The following CDH12 variants were observed in gnomAD, a reference collection of about 807,000 sequenced individuals.
CDH12 encodes cadherin 12, also known as cadherin-12.
In CDH12, 41 loss-of-function variants were observed where a neutral mutation model predicts 74.1. The observed-to-expected ratio is 0.55, with a 90% CI of 0.43 to 0.72. CDH12 has a LOEUF of 0.72. Ranked by LOEUF, CDH12 falls within the 30% of genes least tolerant of loss-of-function variation. CDH12 has a pLI of 0.00. For synonymous variants in CDH12, 399 were observed against 355.0 expected, an observed-to-expected ratio of 1.12 and a Z score of -1.39; for missense variants, 945 against 977.2, an observed-to-expected ratio of 0.97 and a Z score of 0.44.
In CDH12 at chr5:21,751,632, T is replaced by TTGTGTGTGTGTGTGTGTG. The variant is rs70957059; in HGVS notation, c.*87_*104dup. On this transcript the variant is annotated 3_prime_UTR_variant, in exon 15 of 15. Coordinates refer to ENST00000382254, the MANE Select transcript of CDH12 (RefSeq NM_004061.5). ...AGAGTGTGTGTGTGTGTGTGTGTGT[T>TTGTGTGTGTGTGTGTGTG]TGTGTGTGTGTGTGTGTGTGAGAGA... is the stretch of plus-strand genomic sequence containing the variant. 294 of 572,968 alleles carry TTGTGTGTGTGTGTGTGTG rather than the reference T, an allele frequency of 5.1e-4. 1 individual carries two copies. The African/African-American group carries it at 5.4e-3, about 11-fold the overall frequency. 35.5% of individuals were successfully genotyped at this position (572,968 alleles called of 1,614,324 possible).
chr5:21,955,524 C>T (rs1756057071), intron 6 of CDH12, among the ~76,000 whole-genome samples: 1 of 151,848 alleles, frequency 6.6e-6, no homozygotes. Context: ...AGTGATCAAA[C>T]CAAATTTGAA....
At chr5:22,522,804 T>C (rs1361041158) in intron 1 of CDH12, among the ~76,000 whole-genome samples, 1 of 152,228 alleles carries the variant, frequency 6.6e-6, no homozygotes, top group African/African-American at 2.4e-5. Flanking sequence ...TTTTGTGTTC[T>C]GTCATTCTGC....
intron 3 of CDH12, among the ~76,000 whole-genome samples, chr5:22,346,105 C>CAA (rs5866560): frequency 0.014 from 1,390 of 101,500 alleles, 20 homozygotes; most frequent in African/African-American, 0.044. Context: ...GACTTCATCT[C>CAA]AAAAAAAAAA....
At chr5:21,929,563 G>A (rs549398278) in intron 6 of CDH12, among the ~76,000 whole-genome samples, 1 of 152,062 alleles carries the variant, frequency 6.6e-6, no homozygotes, top group East Asian at 1.9e-4. Context: ...TGTCACCCTG[G>A]TTGGAATCAG....
chr5:21,950,755 A>ATTTTT (rs1263550742), intron 6 of CDH12, among the ~76,000 whole-genome samples: 5 of 119,366 alleles, frequency 4.2e-5, no homozygotes, highest in Admixed American at 9.6e-5. Flanking sequence ...CATAAATTTT[A>ATTTTT]TTTTATTATT....
intron 3 of CDH12, among the ~76,000 whole-genome samples, chr5:22,300,164 G>A (rs1257190115): frequency 6.6e-6 from 1 of 152,158 alleles, no homozygotes; most frequent in African/African-American, 2.4e-5. Context: ...TTGTCTAAAA[G>A]GCACATCTAT....
chr5:22,364,949 A>T (rs528844236), intron 3 of CDH12, among the ~76,000 whole-genome samples: 9 of 152,328 alleles, frequency 5.9e-5, no homozygotes, highest in Non-Finnish European at 1.2e-4. Flanking sequence ...AAAGACAGCA[A>T]CAATAGAAGA....
chr5:22,769,769 A>G (rs1018811090), intron 1 of CDH12, among the ~76,000 whole-genome samples: 21 of 151,286 alleles, frequency 1.4e-4, no homozygotes, highest in African/African-American at 5.1e-4. Flanking sequence ...GGTAACCAAA[A>G]CAATACAAAT....
intron 6 of CDH12, among the ~76,000 whole-genome samples, chr5:21,907,807 A>C (rs1459193276): frequency 6.6e-6 from 1 of 152,216 alleles, no homozygotes; most frequent in African/African-American, 2.4e-5. Flanking sequence ...TTATCTGCCC[A>C]GACTTGGTCT....
chr5:22,004,805 T>C (rs758918343), intron 5 of CDH12, among the ~76,000 whole-genome samples: 2 of 152,074 alleles, frequency 1.3e-5, no homozygotes, highest in Non-Finnish European at 2.9e-5. Context: ...CTCCCTCCTA[T>C]CCTCCCCACT....
intron 3 of CDH12, among the ~76,000 whole-genome samples, chr5:22,244,748 GAAAGAAAGAAAGA>G: frequency 2.5e-5 from 1 of 40,442 alleles, no homozygotes; most frequent in East Asian, 5.8e-4. Flanking sequence ...AGAAAAGAAA[GAAAGAAAGAAAGA>G]AAGAAAGAAA....
chr5:22,285,910 C>T (rs915969714), intron 3 of CDH12, among the ~76,000 whole-genome samples: 7 of 151,988 alleles, frequency 4.6e-5, no homozygotes, highest in African/African-American at 1.7e-4. Context: ...ATGGAAATGG[C>T]ATTCATTTAC....
At chr5:22,785,218 T>C (rs207465717) in intron 1 of CDH12, among the ~76,000 whole-genome samples, 2 of 152,166 alleles carry the variant, frequency 1.3e-5, no homozygotes, top group Non-Finnish European at 2.9e-5. Context: ...GATGACTTCT[T>C]ACTTTGTGAA....
rs768663438 is a variant in CDH12 at position 21,810,950 on chromosome 5, GAA to G, written c.1002+5993_1002+5994del. ...AACTCATTTGTCAAGCGTGAAAAAAGAAAAAGAGTTTTACTGATTTACGGGTA... is the reference window on the plus strand; with the variant it reads ...AACTCATTTGTCAAGCGTGAAAAAAGAAAGAGTTTTACTGATTTACGGGTA... On this transcript the variant is annotated intron_variant, in intron 9 of 14. Transcript: ENST00000382254. Among the ~76,000 whole-genome samples the G allele has an allele frequency of 7.6e-4, 115 of 152,062 alleles. 1 individual carries two copies. Among genetic ancestry groups the G allele is most frequent in the Non-Finnish European group, 1.4e-3 (98 of 67,942 alleles).
At chr5:22,662,723 T>C (rs1346666899) in intron 1 of CDH12, among the ~76,000 whole-genome samples, 3 of 152,248 alleles carry the variant, frequency 2.0e-5, no homozygotes, top group Non-Finnish European at 4.4e-5. Flanking sequence ...TTGCATTCCC[T>C]AAAGATGTAG....
chr5:22,517,113 G>T (rs910048986), intron 1 of CDH12, among the ~76,000 whole-genome samples: 1 of 151,842 alleles, frequency 6.6e-6, no homozygotes, highest in South Asian at 2.1e-4. Context: ...CAGACCATTA[G>T]ATCTAAACAC....
chr5:22,161,524 C>T (rs892838080), intron 4 of CDH12, among the ~76,000 whole-genome samples: 1 of 151,968 alleles, frequency 6.6e-6, no homozygotes, highest in African/African-American at 2.4e-5. Context: ...TAGCAAGACC[C>T]TGTCTGTATC....
intron 8 of CDH12, among the ~76,000 whole-genome samples, chr5:21,817,771 AT>A (rs1407247997): frequency 6.6e-6 from 1 of 151,730 alleles, no homozygotes; most frequent in Non-Finnish European, 1.5e-5. Flanking sequence ...TTTTACTGAT[AT>A]TTTAAATCAT....
chr5:22,595,722 T>A (rs1279950737), intron 1 of CDH12, among the ~76,000 whole-genome samples: 3 of 152,098 alleles, frequency 2.0e-5, no homozygotes, highest in Admixed American at 6.6e-5. Flanking sequence ...ACATTTAAAC[T>A]GTGAATCCCA....
Sources: gnomAD v4.1 joint callset for allele counts (sites outside exome capture counted in the v4.1 genomes callset) on GRCh38, gnomAD v4.1.1 for gene constraint, MANE v1.5 for transcripts, NCBI Gene and HGNC (gene_info 2026-07-23, HGNC 2026-07-21) for gene names.